The following PCDH11X variants were observed in gnomAD, a reference collection of about 807,000 sequenced individuals.
PCDH11X encodes the protein protocadherin 11 X-linked, also known as protocadherin-11 X-linked.
Under a neutral mutation model 53.3 loss-of-function variants are expected in PCDH11X, and 18 were observed. That is an observed-to-expected ratio of 0.34 (90% CI 0.23 to 0.50). The LOEUF is 0.50. PCDH11X is among the 20% of genes least tolerant of loss of function. PCDH11X has a pLI of 0.98. For synonymous variants in PCDH11X, 279 were observed against 393.3 expected (o/e 0.71, Z 3.44); for missense variants, 570 against 1,032.4 (o/e 0.55, Z 6.14).
chrX:92,105,476 G>A (rs1159311002), intron 6 of PCDH11X, among the ~76,000 whole-genome samples: 1 of 110,571 alleles, frequency 9.0e-6, no homozygotes. Context: ...AACAGGCTTT[G>A]TGTGAGCAAC....
At chrX:92,012,075 C>A (rs1181815895) in intron 6 of PCDH11X, among the ~76,000 whole-genome samples, 1 of 110,789 alleles carries the variant, frequency 9.0e-6, no homozygotes, top group East Asian at 2.8e-4. Context: ...ACCTAATAGG[C>A]AAATCTAGCA....
intron 8 of PCDH11X, among the ~76,000 whole-genome samples, chrX:92,351,137 T>G (rs2070036782): frequency 8.9e-6 from 1 of 112,069 alleles, no homozygotes; most frequent in Non-Finnish European, 1.9e-5. Flanking sequence ...AGTCCAAAAA[T>G]ACAATAATCC....
chrX:92,602,366 G>A (rs111398838), intron 10 of PCDH11X, among the ~76,000 whole-genome samples: 6 of 112,572 alleles, frequency 5.3e-5, no homozygotes, highest in African/African-American at 1.9e-4. Context: ...GAGACAATCA[G>A]GAAAAAGTGC....
At chrX:92,369,267 G>A (rs2070553987) in intron 8 of PCDH11X, among the ~76,000 whole-genome samples, 1 of 109,441 alleles carries the variant, frequency 9.1e-6, no homozygotes. Context: ...TTGCTGCACT[G>A]TGGTGAATTT....
chrX:92,566,971 C>A (rs1204420092), intron 10 of PCDH11X, among the ~76,000 whole-genome samples: 3 of 107,970 alleles, frequency 2.8e-5, no homozygotes, highest in African/African-American at 1.0e-4. Flanking sequence ...CTATTCTGTT[C>A]CATTGGTCTA....
chrX:91,966,152 AT>A lies in PCDH11X; in HGVS notation c.3033+86892del, dbSNP rs202233727. Among the ~76,000 whole-genome samples, 366 of 102,042 alleles carry A rather than the reference AT, an allele frequency of 3.6e-3. 1 individual carries two copies. The highest frequency in any genetic ancestry group is 0.015 in the Middle Eastern group (3 of 204). 88.6% of individuals were successfully genotyped at this position (102,042 alleles called of 115,157 possible). On this transcript the variant is annotated intron_variant, in intron 6 of 10. Transcript: ENST00000682573. ...TGATCTGGTGAGTTTCAGTTCTTTG[AT>A]TTTTTTTTTTTTCTGAGAGGCCTGA... is the stretch of plus-strand genomic sequence containing the variant.
chrX:92,231,403 C>A (rs2067073640), intron 7 of PCDH11X, among the ~76,000 whole-genome samples: 1 of 111,309 alleles, frequency 9.0e-6, no homozygotes, highest in African/African-American at 3.3e-5. Context: ...TGGAAAATTG[C>A]CAGATCATTT....
intron 6 of PCDH11X, among the ~76,000 whole-genome samples, chrX:92,139,054 G>A (rs1177221155): frequency 2.8e-5 from 3 of 106,744 alleles, no homozygotes; most frequent in Non-Finnish European, 3.8e-5. Context: ...CAGGGTGTAT[G>A]CCCTTGAAAT....
At chrX:92,111,933 A>G (rs1301264595) in intron 6 of PCDH11X, among the ~76,000 whole-genome samples, 1 of 108,518 alleles carries the variant, frequency 9.2e-6, no homozygotes, top group Admixed American at 9.9e-5. Context: ...ATTTTTTTGT[A>G]TTTTTAGTAG....
At chrX:92,006,081 T>C (rs1459484852) in intron 6 of PCDH11X, among the ~76,000 whole-genome samples, 2 of 110,464 alleles carry the variant, frequency 1.8e-5, no homozygotes, top group Non-Finnish European at 3.8e-5. Flanking sequence ...TGGCTTGAGG[T>C]AACCTTCTCC....
intron 6 of PCDH11X, among the ~76,000 whole-genome samples, chrX:91,882,467 C>T (rs911182320): frequency 1.2e-4 from 13 of 111,020 alleles, no homozygotes; most frequent in African/African-American, 3.9e-4. Flanking sequence ...GAAGACTATA[C>T]ATTTTAAAAA....
intron 7 of PCDH11X, among the ~76,000 whole-genome samples, chrX:92,262,597 A>G (rs2067740840): frequency 8.9e-6 from 1 of 111,755 alleles, no homozygotes; most frequent in Non-Finnish European, 1.9e-5. Context: ...TGAACAACAG[A>G]AACTATTGAT....
chrX:92,401,526 G>A (rs1369245901), intron 9 of PCDH11X, among the ~76,000 whole-genome samples: 1 of 111,344 alleles, frequency 9.0e-6, no homozygotes, highest in East Asian at 2.8e-4. Context: ...ATGAGACCAA[G>A]CCATTTCATT....
chrX:92,476,722 C>G lies in PCDH11X; in HGVS notation c.3367+8400C>G, dbSNP rs755961290. Among the ~76,000 whole-genome samples, 64 of 53,374 alleles carry G rather than the reference C, an allele frequency of 1.2e-3. 7 individuals are homozygous for G. The highest frequency in any genetic ancestry group is 1.7e-3 in the Non-Finnish European group (54 of 32,488). 46.3% of individuals were successfully genotyped at this position (53,374 alleles called of 115,157 possible). ...AAGGCTTTCCAGATATTTCAAAGAA[C>G]TTTGATGTTGTGATCTAAAATATAT... On this transcript the variant is annotated intron_variant, in intron 10 of 10. Coordinates refer to ENST00000682573, the MANE Select transcript of PCDH11X (RefSeq NM_032968.5).
At chrX:92,265,561 A>G (rs968481867) in intron 8 of PCDH11X, among the ~76,000 whole-genome samples, 2 of 112,127 alleles carry the variant, frequency 1.8e-5, no homozygotes, top group African/African-American at 6.5e-5. Context: ...ATGTTTGTGC[A>G]TGTGTGTATA....
At chrX:92,105,746 G>C (rs1208480008) in intron 6 of PCDH11X, among the ~76,000 whole-genome samples, 6 of 109,726 alleles carry the variant, frequency 5.5e-5, no homozygotes, top group African/African-American at 1.7e-4. Flanking sequence ...AATGTCATCA[G>C]TTAAGGCAAG....
At position 92,067,635 on chromosome X, in the gene PCDH11X, G is replaced by T. The variant is rs756386073; in HGVS notation, c.3034-133740G>T. On this transcript the variant is annotated intron_variant, in intron 6 of 10. Transcript: ENST00000682573. ...AGTTTCCTTTTTTTGATACATGTTT[G>T]TCTGGCATCTTCTTTTGGTATCAGG... Among the ~76,000 whole-genome samples, 5 of 111,427 alleles carry T rather than the reference G, an allele frequency of 4.5e-5. No homozygotes were observed. The South Asian group carries it at 1.9e-3, about 42-fold the overall frequency.
intron 6 of PCDH11X, among the ~76,000 whole-genome samples, chrX:92,026,471 A>T (rs1260834381): frequency 9.0e-6 from 1 of 111,017 alleles, no homozygotes; most frequent in African/African-American, 3.3e-5. Flanking sequence ...ATGTGTGGCT[A>T]AAAGAGGAGA....
At chrX:92,159,256 G>A (rs2065594716) in intron 6 of PCDH11X, among the ~76,000 whole-genome samples, 1 of 110,418 alleles carries the variant, frequency 9.1e-6, no homozygotes, top group African/African-American at 3.3e-5. Flanking sequence ...TCGGTCTGCT[G>A]TATTTTCAGA....
Sources: gnomAD v4.1 joint callset for allele counts (sites outside exome capture counted in the v4.1 genomes callset) on GRCh38, gnomAD v4.1.1 for gene constraint, MANE v1.5 for transcripts, NCBI Gene and HGNC (gene_info 2026-07-23, HGNC 2026-07-21) for gene names.